ZNF385D: variants seen among roughly 807,000 people sequenced by gnomAD.
The protein encoded by ZNF385D is zinc finger protein 385D, also known as zinc finger protein 659.
A neutral mutation model predicts 35.8 loss-of-function variants in ZNF385D; 15 were observed. That is an observed-to-expected ratio of 0.42 (90% CI 0.28 to 0.64). The LOEUF is 0.64. Ranked by LOEUF, ZNF385D falls within the 30% of genes least tolerant of loss-of-function variation. ZNF385D has a pLI of 0.23. For synonymous variants in ZNF385D, 212 were observed against 186.8 expected (o/e 1.13, Z -1.10); for missense variants, 474 against 494.6 (o/e 0.96, Z 0.39).
chr3:22,303,466 T>G (rs1703028345), intron 2 of ZNF385D, among the ~76,000 whole-genome samples: 1 of 152,152 alleles, frequency 6.6e-6, no homozygotes, highest in Non-Finnish European at 1.5e-5. Flanking sequence ...TTACAACTGG[T>G]TCACTTATCT....
At chr3:22,358,425 C>T (rs1365153973) in intron 2 of ZNF385D, among the ~76,000 whole-genome samples, 1 of 151,816 alleles carries the variant, frequency 6.6e-6, no homozygotes, top group Non-Finnish European at 1.5e-5. Context: ...TCAAAAGTTG[C>T]ATTCTGCATT....
chr3:21,666,857 C>A (rs932885985), intron 1 of ZNF385D, among the ~76,000 whole-genome samples: 1 of 152,152 alleles, frequency 6.6e-6, no homozygotes, highest in Non-Finnish European at 1.5e-5. Flanking sequence ...GCGGATGGAT[C>A]ACTTGAAGTC....
intron 2 of ZNF385D, among the ~76,000 whole-genome samples, chr3:22,347,821 A>C (rs903430541): frequency 6.6e-6 from 1 of 152,156 alleles, no homozygotes; most frequent in Admixed American, 6.5e-5. Context: ...AAAAACCTTC[A>C]ATTTTGCATA....
At chr3:21,682,973 A>T (rs2066965667) in intron 1 of ZNF385D, among the ~76,000 whole-genome samples, 1 of 149,890 alleles carries the variant, frequency 6.7e-6, no homozygotes, top group South Asian at 2.2e-4. Context: ...CTGGCCCTCA[A>T]ACTTTAGTGA....
At position 22,210,005 on chromosome 3, in the gene ZNF385D, T is replaced by G. The variant is rs115394040; in HGVS notation, c.107-40970A>C. Reference sequence around the variant, plus strand: ...ATTATATTCAGTTATATTTAATTAATAGTATTATATTCAATATCATATTTT... The same window carrying G: ...ATTATATTCAGTTATATTTAATTAAGAGTATTATATTCAATATCATATTTT... On this transcript the variant is annotated intron_variant, in intron 2 of 5. Transcript: ENST00000494108. Among the ~76,000 whole-genome samples, 1,080 of 151,884 alleles carry G rather than the reference T, an allele frequency of 7.1e-3. 8 individuals carry two copies. The highest frequency in any genetic ancestry group is 0.024 in the African/African-American group (1,005 of 41,516).
intron 4 of ZNF385D, among the ~76,000 whole-genome samples, chr3:21,440,880 T>G (rs1701824293): frequency 6.6e-6 from 1 of 152,116 alleles, no homozygotes; most frequent in African/African-American, 2.4e-5. Flanking sequence ...TAGAGAAGTT[T>G]CAGGAAATTT....
chr3:21,945,382 G>C (rs1217822795), intron 3 of ZNF385D, among the ~76,000 whole-genome samples: 1 of 152,132 alleles, frequency 6.6e-6, no homozygotes, highest in Admixed American at 6.5e-5. Flanking sequence ...TTTATGGTGA[G>C]ATGCACGTTA....
intron 3 of ZNF385D, among the ~76,000 whole-genome samples, chr3:22,036,727 T>TTAA (rs1192401834): frequency 6.7e-6 from 1 of 149,024 alleles, no homozygotes; most frequent in African/African-American, 2.5e-5. Context: ...TTTTTTTTTT[T>TTAA]ATACTCTAAG....
chr3:21,857,299 G>A (rs1424772560), intron 3 of ZNF385D, among the ~76,000 whole-genome samples: 1 of 152,080 alleles, frequency 6.6e-6, no homozygotes, highest in African/African-American at 2.4e-5. Context: ...ATTGAAGGAT[G>A]CAAAAGAGGG....
At chr3:21,910,688 T>G (rs1484180066) in intron 3 of ZNF385D, among the ~76,000 whole-genome samples, 7 of 151,376 alleles carry the variant, frequency 4.6e-5, no homozygotes. Context: ...AATATGAACG[T>G]AGAAAAGTAA....
intron 3 of ZNF385D, among the ~76,000 whole-genome samples, chr3:21,763,429 G>A (rs2070703872): frequency 6.6e-6 from 1 of 152,132 alleles, no homozygotes; most frequent in African/African-American, 2.4e-5. Flanking sequence ...TTCTAAAGGA[G>A]AAAAAGACCC....
intron 2 of ZNF385D, among the ~76,000 whole-genome samples, chr3:22,346,354 A>G (rs1695659230): frequency 6.6e-6 from 1 of 152,222 alleles, no homozygotes; most frequent in Non-Finnish European, 1.5e-5. Flanking sequence ...GGATTTTTTG[A>G]AGCACTGTAC....
intron 2 of ZNF385D, among the ~76,000 whole-genome samples, chr3:22,184,777 G>A (rs577189322): frequency 1.3e-5 from 2 of 152,204 alleles, no homozygotes; most frequent in African/African-American, 2.4e-5. Context: ...ACTCCAGCCC[G>A]GGTGACAAGA....
At chr3:22,141,940 G>C (rs577942835) in intron 3 of ZNF385D, among the ~76,000 whole-genome samples, 30 of 152,322 alleles carry the variant, frequency 2.0e-4, no homozygotes, top group African/African-American at 7.2e-4. Flanking sequence ...GTACGTATTG[G>C]AAGACAATGA....
chr3:21,549,635 T>A (rs2062499790), intron 3 of ZNF385D, among the ~76,000 whole-genome samples: 1 of 152,192 alleles, frequency 6.6e-6, no homozygotes, highest in Non-Finnish European at 1.5e-5. Context: ...ACAGCCCAAC[T>A]GAAACTCATC....
chr3:21,787,535 T>A (rs1050514749), intron 3 of ZNF385D, among the ~76,000 whole-genome samples: 1 of 152,056 alleles, frequency 6.6e-6, no homozygotes, highest in African/African-American at 2.4e-5. Flanking sequence ...AGAAGCCCTT[T>A]CTTAGGAGAA....
intron 3 of ZNF385D, chr3:21,563,198 C>G (rs1047151101): frequency 2.0e-5 from 3 of 152,180 alleles, no homozygotes; most frequent in Admixed American, 2.0e-4. Flanking sequence ...GCTCCTTTAT[C>G]CCTTCCACCA....
chr3:22,235,667 C>G (rs1415187017), intron 2 of ZNF385D, among the ~76,000 whole-genome samples: 3 of 151,976 alleles, frequency 2.0e-5, no homozygotes, highest in Non-Finnish European at 4.4e-5. Context: ...AAAATATGCT[C>G]AAGTATATTT....
intron 2 of ZNF385D, among the ~76,000 whole-genome samples, chr3:22,313,092 C>T (rs554706068): frequency 1.5e-3 from 224 of 152,142 alleles, no homozygotes; most frequent in African/African-American, 4.8e-3. Flanking sequence ...AGTTCATGTC[C>T]TTTGTAGGGA....
Sources: allele counts gnomAD v4.1 joint callset (sites outside exome capture counted in the v4.1 genomes callset), GRCh38; gene constraint gnomAD v4.1.1; transcripts MANE v1.5; gene names NCBI Gene and HGNC (gene_info 2026-07-23, HGNC 2026-07-21).